Variants in EYA1 observed in about 807,000 individuals in gnomAD.
EYA1 encodes protein phosphatase EYA1.
A neutral mutation model predicts 82.0 loss-of-function variants in EYA1; 16 were observed. The ratio of observed to expected loss-of-function variants is 0.20; its 90% CI spans 0.13 to 0.30. The LOEUF is 0.30. Among genes scored for constraint, EYA1 ranks in the 10% least tolerant of loss-of-function variants. EYA1 has a pLI of 1.00. For missense variants in EYA1, 633 were observed against 730.7 expected (o/e 0.87, Z 1.54); for synonymous variants, 261 against 264.4 (o/e 0.99, Z 0.12).
At chr8:71,249,467 A>G (rs1201520657) in intron 11 of EYA1, among the ~76,000 whole-genome samples, 1 of 152,108 alleles carries the variant, frequency 6.6e-6, no homozygotes, top group East Asian at 1.9e-4. Flanking sequence ...AAAGCCCCTT[A>G]TAACACCATC....
intron 2 of EYA1, among the ~76,000 whole-genome samples, chr8:71,381,844 T>C (rs1828722393): frequency 6.6e-6 from 1 of 152,186 alleles, no homozygotes; most frequent in Admixed American, 6.5e-5. Flanking sequence ...AGTGTATCAT[T>C]TGGGGATTTA....
intron 2 of EYA1, among the ~76,000 whole-genome samples, chr8:71,443,073 CAG>C (rs1806548492): frequency 6.6e-6 from 1 of 152,082 alleles, no homozygotes; most frequent in African/African-American, 2.4e-5. Flanking sequence ...CTGCAACACA[CAG>C]AGAAAAAACA....
At chr8:71,510,460 T>C (rs1812513083) in intron 2 of EYA1, among the ~76,000 whole-genome samples, 2 of 152,220 alleles carry the variant, frequency 1.3e-5, no homozygotes, top group African/African-American at 2.4e-5. Flanking sequence ...AGAGGCTTAA[T>C]TGACTCACAG....
intron 11 of EYA1, among the ~76,000 whole-genome samples, chr8:71,266,191 T>A (rs1815785207): frequency 6.6e-6 from 1 of 152,212 alleles, no homozygotes; most frequent in Non-Finnish European, 1.5e-5. Context: ...CATTCATTCT[T>A]TATATACATG....
intron 2 of EYA1, among the ~76,000 whole-genome samples, chr8:71,507,097 G>A (rs942411025): frequency 9.9e-5 from 15 of 152,020 alleles, no homozygotes; most frequent in African/African-American, 2.2e-4. Flanking sequence ...TAGCCTAAAC[G>A]TACTATGTGC....
chr8:71,498,619 A>C (rs1586835366), intron 2 of EYA1, among the ~76,000 whole-genome samples: 1 of 152,146 alleles, frequency 6.6e-6, no homozygotes, highest in East Asian at 1.9e-4. Flanking sequence ...AAGGGCCCTC[A>C]CAGGACCTCT....
At chr8:71,203,817 A>G (rs963864682) in intron 17 of EYA1, among the ~76,000 whole-genome samples, 4 of 152,200 alleles carry the variant, frequency 2.6e-5, no homozygotes, top group East Asian at 1.9e-4. Flanking sequence ...GTAGAATTAC[A>G]GTGGAAATGG....
intron 14 of EYA1, among the ~76,000 whole-genome samples, chr8:71,216,245 C>T (rs1466678951): frequency 1.3e-5 from 2 of 152,186 alleles, no homozygotes; most frequent in Non-Finnish European, 2.9e-5. Context: ...ACCAACCTCA[C>T]CCCTAAACTT....
intron 2 of EYA1, among the ~76,000 whole-genome samples, chr8:71,406,823 GC>G (rs1477666799): frequency 6.9e-6 from 1 of 145,798 alleles, no homozygotes; most frequent in Non-Finnish European, 1.5e-5. Flanking sequence ...GCCCAGGCTT[GC>G]TTAGGTAAAC....
rs541176347 is a variant in EYA1, at chr8:71,226,423, C to T, written c.1141-9400G>A. ...CCTTCTTTCTCACCATGAATGCCTT[C>T]TTTACCACATGATATTAAATATATT... On this transcript the variant is annotated intron_variant, in intron 12 of 17. Coordinates refer to ENST00000340726, the MANE Select transcript of EYA1 (RefSeq NM_000503.6). Among the ~76,000 whole-genome samples the T allele has an allele frequency of 3.3e-5, 5 of 151,714 alleles. No homozygotes were observed. In the South Asian group the frequency reaches 1.0e-3, roughly 32 times the overall value.
Position 71,303,503 on chromosome 8 carries a change from A to C in EYA1, c.557-3783T>G, listed in dbSNP as rs537990543. Among the ~76,000 whole-genome samples, 6 of 143,178 alleles carry C rather than the reference A, an allele frequency of 4.2e-5. 2 individuals are homozygous for C. Among genetic ancestry groups the C allele is most frequent in the Non-Finnish European group, 9.5e-5 (6 of 62,946 alleles). The allele number at this position is 143,178 out of a possible 152,430, so 93.9% of individuals were successfully genotyped here. Reference sequence around the variant, plus strand: ...ACACCTAACCCATACAAATATCCCCAGAGTGCAAAATATAATAACAATACT... The same window carrying C: ...ACACCTAACCCATACAAATATCCCCCGAGTGCAAAATATAATAACAATACT... On this transcript the variant is annotated intron_variant, in intron 7 of 17. Coordinates refer to ENST00000340726, the MANE Select transcript of EYA1 (RefSeq NM_000503.6).
intron 2 of EYA1, among the ~76,000 whole-genome samples, chr8:71,417,584 T>A (rs1457887588): frequency 6.6e-6 from 1 of 152,162 alleles, no homozygotes; most frequent in African/African-American, 2.4e-5. Context: ...AGCTCCTATT[T>A]ACATTATAAA....
chr8:71,529,822 A>C (rs1049314723), intron 2 of EYA1: 4 of 152,214 alleles, frequency 2.6e-5, no homozygotes, highest in Non-Finnish European at 5.9e-5. Context: ...AAAGAAAAAA[A>C]AATTACCTGA....
intron 2 of EYA1, among the ~76,000 whole-genome samples, chr8:71,406,652 T>G (rs1359266277): frequency 1.3e-5 from 2 of 152,158 alleles, no homozygotes; most frequent in African/African-American, 4.8e-5. Flanking sequence ...ACCCGAATAT[T>G]GCGCTTTTCA....
chr8:71,364,963 T>A (rs1373446936), upstream of EYA1, among the ~76,000 whole-genome samples: 1 of 132,796 alleles, frequency 7.5e-6, no homozygotes, highest in Non-Finnish European at 1.6e-5. Flanking sequence ...TATATATATA[T>A]ATATATATAT....
At chr8:71,499,682 A>G (rs954962949) in intron 2 of EYA1, among the ~76,000 whole-genome samples, 2 of 152,230 alleles carry the variant, frequency 1.3e-5, no homozygotes, top group African/African-American at 4.8e-5. Flanking sequence ...TGACATGACT[A>G]TAACAGATTT....
intron 7 of EYA1, among the ~76,000 whole-genome samples, chr8:71,310,086 T>C (rs1031181): frequency 0.13 from 20,416 of 152,100 alleles, 1,888 homozygotes; most frequent in East Asian, 0.43. Context: ...GATGGGAATG[T>C]CCTATACCAT....
At chr8:71,435,469 G>T (rs77489534) in intron 2 of EYA1, among the ~76,000 whole-genome samples, 5,240 of 151,878 alleles carry the variant, frequency 0.035, 307 homozygotes, top group African/African-American at 0.12. Flanking sequence ...AAATGAAAGT[G>T]AGCTCTAAAA....
At chr8:71,337,689 ATG>A (rs2129050267) in intron 3 of EYA1, among the ~76,000 whole-genome samples, 1 of 152,374 alleles carries the variant, frequency 6.6e-6, no homozygotes, top group Non-Finnish European at 1.5e-5. Flanking sequence ...ATTCATAAAA[ATG>A]TACATAAAGT....
Sources: gnomAD v4.1 joint callset for allele counts (sites outside exome capture counted in the v4.1 genomes callset) on GRCh38, gnomAD v4.1.1 for gene constraint, MANE v1.5 for transcripts, NCBI Gene and HGNC (gene_info 2026-07-23, HGNC 2026-07-21) for gene names.